MAST4: variants seen among roughly 807,000 people sequenced by gnomAD.
The protein encoded by MAST4 is microtubule-associated serine/threonine-protein kinase 4.
MAST4 carries 89 observed loss-of-function variants against 162.7 expected under a neutral mutation model. The ratio of observed to expected loss-of-function variants is 0.55; its 90% CI spans 0.46 to 0.65. The LOEUF is 0.65. MAST4 is among the 30% of genes least tolerant of loss of function. The pLI is 0.00. For synonymous variants in MAST4, 1,479 were observed against 1,361.1 expected, an observed-to-expected ratio of 1.09 and a Z score of -1.91; for missense variants, 3,153 against 3,374.0, an observed-to-expected ratio of 0.93 and a Z score of 1.62.
intron 1 of MAST4, among the ~76,000 whole-genome samples, chr5:66,754,040 A>T (rs1027192477): frequency 1.3e-5 from 2 of 151,996 alleles, no homozygotes; most frequent in African/African-American, 4.8e-5. Context: ...AACAGAACCA[A>T]AGACAAAAAC....
At chr5:66,994,992 A>G (rs1750471852) in intron 4 of MAST4, among the ~76,000 whole-genome samples, 1 of 152,240 alleles carries the variant, frequency 6.6e-6, no homozygotes, top group African/African-American at 2.4e-5. Flanking sequence ...TCTGCAAATA[A>G]TGACACATAT....
At chr5:67,132,630 G>C (rs2150998583) in intron 16 of MAST4, among the ~76,000 whole-genome samples, 1 of 151,608 alleles carries the variant, frequency 6.6e-6, no homozygotes, top group Non-Finnish European at 1.5e-5. Context: ...GATACAGATA[G>C]ACTTTTTTCC....
intron 3 of MAST4, among the ~76,000 whole-genome samples, chr5:66,789,434 T>C (rs1203587789): frequency 6.6e-6 from 1 of 152,256 alleles, no homozygotes; most frequent in Non-Finnish European, 1.5e-5. Context: ...TTGCATTAAA[T>C]TGTCCCTCTC....
At position 67,163,847 on chromosome 5, in the gene MAST4, AC is replaced by A; in HGVS notation, c.4671del (p.Ser1559ValfsTer45). 1.9e-6 allele frequency: 3 copies of A among 1,613,434 alleles called. No individual in the cohort carries two copies. The highest frequency in any genetic ancestry group is 2.5e-6 in the Non-Finnish European group (3 of 1,179,532). On this transcript the variant is annotated frameshift_variant, in exon 29 of 29. Transcript: ENST00000403625. LOFTEE classifies it low-confidence loss of function (END_TRUNC). The surrounding 1 kb of genome is among the most constrained non-coding windows in gnomAD (Gnocchi z 7.0). ...AGGAATCCCACCAGAAATCCCATGG[AC>A]CCGGGAGTGATTTGGAAAACTTTGC... ...KQESHQKSHG[P>X]GSDLENFALF...
intron 2 of MAST4, among the ~76,000 whole-genome samples, chr5:66,761,238 T>C (rs1213633857): frequency 1.3e-5 from 2 of 152,244 alleles, no homozygotes; most frequent in Non-Finnish European, 2.9e-5. Context: ...TTCAATTCTT[T>C]CACCCCTTTT....
chr5:66,935,892 T>A (rs767452991), intron 4 of MAST4, among the ~76,000 whole-genome samples: 1 of 152,138 alleles, frequency 6.6e-6, no homozygotes, highest in Non-Finnish European at 1.5e-5. Flanking sequence ...GGTCTCAAAC[T>A]CCTGACCTCA....
chr5:67,113,986 C>G (rs1766579807), intron 11 of MAST4, 101 bp from the exon 12 acceptor site: 1 of 1,310,080 alleles, frequency 7.6e-7, no homozygotes, highest in Non-Finnish European at 1.1e-6. Context: ...TAACTTACAG[C>G]CATGTATACC....
At chr5:66,819,379 T>C (rs910094543) in intron 3 of MAST4, among the ~76,000 whole-genome samples, 33 of 152,206 alleles carry the variant, frequency 2.2e-4, no homozygotes, top group Admixed American at 5.2e-4. Context: ...GCAAACAAGA[T>C]CAGAGTGAAG....
intron 4 of MAST4, among the ~76,000 whole-genome samples, chr5:66,913,059 A>G (rs1349312256): frequency 6.6e-6 from 1 of 152,220 alleles, no homozygotes; most frequent in Non-Finnish European, 1.5e-5. Context: ...CTGTTCCTAC[A>G]TGGTATAGTA....
intron 4 of MAST4, among the ~76,000 whole-genome samples, chr5:66,910,217 G>A (rs1277093952): frequency 6.6e-6 from 1 of 152,274 alleles, no homozygotes; most frequent in Non-Finnish European, 1.5e-5. Flanking sequence ...TGCCTTAAAA[G>A]CATACCCTTA....
chr5:67,066,917 CA>C (rs1266219816), intron 5 of MAST4, among the ~76,000 whole-genome samples: 1 of 152,100 alleles, frequency 6.6e-6, no homozygotes, highest in Admixed American at 6.5e-5. Flanking sequence ...GTATAGGCAC[CA>C]AGATAACTTT....
chr5:66,622,094 A>T (rs1266230971), intron 1 of MAST4, among the ~76,000 whole-genome samples: 1 of 149,638 alleles, frequency 6.7e-6, no homozygotes, highest in Non-Finnish European at 1.5e-5. Flanking sequence ...CCCTAAGGAG[A>T]AAAAAAAAAT....
At chr5:66,869,311 A>C (rs1332654902) in intron 3 of MAST4, among the ~76,000 whole-genome samples, 4 of 152,346 alleles carry the variant, frequency 2.6e-5, no homozygotes, top group East Asian at 1.9e-4. Context: ...TGTATTTCTC[A>C]TGTGAAAACT....
chr5:66,769,498 A>G (rs1275910605), intron 2 of MAST4, among the ~76,000 whole-genome samples: 2 of 152,228 alleles, frequency 1.3e-5, no homozygotes, highest in Non-Finnish European at 2.9e-5. Flanking sequence ...TAATGCAAAC[A>G]TCATAGAGTA....
intron 3 of MAST4, among the ~76,000 whole-genome samples, chr5:66,857,476 T>C (rs1048711546): frequency 6.6e-6 from 1 of 152,240 alleles, no homozygotes; most frequent in Non-Finnish European, 1.5e-5. Flanking sequence ...TTAATGGATA[T>C]TGCAGTAAAC....
chr5:66,705,345 G>T (rs1235162750), intron 1 of MAST4, among the ~76,000 whole-genome samples: 1 of 152,114 alleles, frequency 6.6e-6, no homozygotes, highest in African/African-American at 2.4e-5. Context: ...AAATACATGT[G>T]CTGCTTCAGT....
chr5:66,918,245 CTGTT>C (rs1764247692), intron 4 of MAST4, among the ~76,000 whole-genome samples: 1 of 151,990 alleles, frequency 6.6e-6, no homozygotes, highest in Non-Finnish European at 1.5e-5. Flanking sequence ...GTTTGCATGT[CTGTT>C]TATGTACCAA....
At chr5:66,718,359 C>T (rs1180650957) in intron 1 of MAST4, among the ~76,000 whole-genome samples, 2 of 152,000 alleles carry the variant, frequency 1.3e-5, no homozygotes, top group South Asian at 2.1e-4. Context: ...ACGGCTTCTT[C>T]TACATGCTGG....
intron 5 of MAST4, among the ~76,000 whole-genome samples, chr5:67,089,586 G>C (rs1763613074): frequency 6.6e-6 from 1 of 152,172 alleles, no homozygotes; most frequent in Non-Finnish European, 1.5e-5. Context: ...GATAGATCTG[G>C]GTCATTGAGA....
Sources: allele counts gnomAD v4.1 joint callset (sites outside exome capture counted in the v4.1 genomes callset), GRCh38; gene constraint gnomAD v4.1.1; non-coding constraint Gnocchi (gnomAD v3.1); transcripts MANE v1.5; gene names NCBI Gene and HGNC (gene_info 2026-07-23, HGNC 2026-07-21).